Variants in KTN1 observed in about 807,000 individuals in gnomAD.
KTN1 encodes kinectin 1, also known as kinectin.
A neutral mutation model predicts 222.5 loss-of-function variants in KTN1; 130 were observed. The ratio of observed to expected loss-of-function variants is 0.58; its 90% confidence interval spans 0.51 to 0.68. The LOEUF is 0.68. Among genes scored for constraint, KTN1 ranks in the 30% least tolerant of loss-of-function variants. The probability of loss-of-function intolerance (pLI) is 0.00; values close to 1 mark genes in which losing one functional copy is unlikely to be tolerated. For missense variants in KTN1, 1,508 were observed against 1,500.4 expected (o/e 1.01, Z -0.08); for synonymous variants, 512 against 496.3 (o/e 1.03, Z -0.42).
At chr14:55,580,865 C>T (rs544285414) in intron 1 of KTN1, among the ~76,000 whole-genome samples, 161 of 152,330 alleles carry the variant, frequency 1.1e-3, no homozygotes, top group Middle Eastern at 3.4e-3. Flanking sequence ...GAGTTCCAGT[C>T]CTCGCCGCTG....
chr14:55,595,630 C>G (rs1175781094), intron 1 of KTN1, among the ~76,000 whole-genome samples: 1 of 152,168 alleles, frequency 6.6e-6, no homozygotes, highest in African/African-American at 2.4e-5. Context: ...AAGATACTTT[C>G]TAAACCATTA....
intron 6 of KTN1, among the ~76,000 whole-genome samples, chr14:55,628,354 T>A (rs2040108364): frequency 6.6e-6 from 1 of 152,234 alleles, no homozygotes; most frequent in African/African-American, 2.4e-5. Flanking sequence ...TGGTGTGATC[T>A]TGTTTAAGTC....
Position 55,653,042 on chromosome 14 carries a change from T to C in KTN1, c.2720T>C (p.Leu907Ser). 1 of 1,604,986 alleles carries C rather than the reference T, an allele frequency of 6.2e-7. No individual in the cohort carries two copies. Among genetic ancestry groups the C allele is most frequent in the South Asian group, 1.1e-5 (1 of 90,696 alleles). Residue 907 changes from leucine to serine, a missense_variant, in exon 27 of 44, where the codon TTA becomes TCA. By Grantham distance (145) the Leu-to-Ser change is moderately radical. Transcript: ENST00000395314. ...GATCTTCAAGAAGAAAATGAATCTTTAAAAGCACATGTTCAGGAAGTAGCA... is the reference window on the plus strand; with the variant it reads ...GATCTTCAAGAAGAAAATGAATCTTCAAAAGCACATGTTCAGGAAGTAGCA... ...LQDLQEENES[L>S]KAHVQEVAQH...
chr14:55,619,312 G>A lies in KTN1; in HGVS notation c.963G>A (p.Lys321=), dbSNP rs767701295. The change falls in exon 5 of 44, where the codon AAG becomes AAA. Residue 321 remains lysine, a splice_region_variant and synonymous_variant. Coordinates refer to ENST00000395314, the MANE Select transcript of KTN1 (RefSeq NM_001079521.2). ...KSGVIQDALK[K]SSKGELTTLI... is the part of the protein sequence containing the mutation. ...GTGTAATACAAGATGCTTTAAAGAA[G>A]GTAAGCGTGTTTTTTGATTATGGGC... 11 of 1,612,666 alleles carry A rather than the reference G, an allele frequency of 6.8e-6. No individual in the cohort carries two copies. Among genetic ancestry groups the A allele is most frequent in the African/African-American group, 1.3e-5 (1 of 74,792 alleles).
intron 1 of KTN1, among the ~76,000 whole-genome samples, chr14:55,596,154 C>CAAAAAAAA (rs71448460): frequency 7.1e-3 from 434 of 60,922 alleles, no homozygotes; most frequent in African/African-American, 0.017. Context: ...GACTCAATAG[C>CAAAAAAAA]AAAAAAAAAA....
chr14:55,580,723 C>A (rs2031259607), intron 1 of KTN1, among the ~76,000 whole-genome samples: 1 of 152,122 alleles, frequency 6.6e-6, no homozygotes, highest in Admixed American at 6.5e-5. Flanking sequence ...GTGACCGAGG[C>A]ACCTATTTTT....
chr14:55,627,764 T>C (rs1345582267), intron 5 of KTN1, 148 bp from the exon 6 acceptor site: 2 of 476,732 alleles, frequency 4.2e-6, no homozygotes, highest in Non-Finnish European at 7.7e-6. Flanking sequence ...GGTTTCCAGC[T>C]TCATCCACGT....
Position 55,670,699 on chromosome 14 carries a change from A to G in KTN1, c.3268-30A>G, listed in dbSNP as rs374716134. 42 of 1,487,820 alleles carry G rather than the reference A, an allele frequency of 2.8e-5. No homozygotes were observed. In the African/African-American group the frequency reaches 5.4e-4, roughly 19 times the overall value. The allele number at this position is 1,487,820 out of a possible 1,614,324, so 92.2% of individuals were successfully genotyped here. ...ATTTGGATTTTTTTTTTCTTTGGAAATTAATGATTTTAACTTTTCTCGTCC... is the reference window on the plus strand; with the variant it reads ...ATTTGGATTTTTTTTTTCTTTGGAAGTTAATGATTTTAACTTTTCTCGTCC... On this transcript the variant is annotated intron_variant, in intron 34 of 43. Coordinates refer to ENST00000395314, the MANE Select transcript of KTN1 (RefSeq NM_001079521.2).
intron 33 of KTN1, 94 bp from the exon 34 acceptor site, chr14:55,667,147 C>T (rs889396688): frequency 4.3e-5 from 33 of 774,354 alleles, no homozygotes; most frequent in Admixed American, 2.8e-4. Context: ...TTTTTCTTCC[C>T]GTAGAATTAT....
chr14:55,586,520 C>T (rs185088275), intron 1 of KTN1, among the ~76,000 whole-genome samples: 121 of 152,210 alleles, frequency 7.9e-4, no homozygotes, highest in African/African-American at 2.8e-3. Flanking sequence ...ACACAAATAT[C>T]TTTAGGAGGA....
At chr14:55,585,481 A>C (rs1472588195) in intron 1 of KTN1, among the ~76,000 whole-genome samples, 1 of 152,198 alleles carries the variant, frequency 6.6e-6, no homozygotes, top group Non-Finnish European at 1.5e-5. Flanking sequence ...CTTAAAATAA[A>C]GGTTATCCTG....
At chr14:55,586,845 G>T (rs1205965854) in intron 1 of KTN1, among the ~76,000 whole-genome samples, 1 of 152,040 alleles carries the variant, frequency 6.6e-6, no homozygotes, top group Non-Finnish European at 1.5e-5. Flanking sequence ...TCGTCCTTTT[G>T]TTTCCAAGAA....
At chr14:55,595,109 A>G (rs2034800941) in intron 1 of KTN1, among the ~76,000 whole-genome samples, 2 of 152,250 alleles carry the variant, frequency 1.3e-5, no homozygotes, top group Non-Finnish European at 1.5e-5. Flanking sequence ...CTTGCTCTGC[A>G]TATGTACACG....
chr14:55,660,921 C>G (rs2044073009), intron 31 of KTN1, among the ~76,000 whole-genome samples: 1 of 152,120 alleles, frequency 6.6e-6, no homozygotes, highest in African/African-American at 2.4e-5. Flanking sequence ...CAGGGAAGAG[C>G]TATTTGTTAT....
intron 10 of KTN1, 60 bp from the exon 11 acceptor site, chr14:55,637,138 A>G: frequency 1.6e-6 from 2 of 1,269,604 alleles, no homozygotes; most frequent in Non-Finnish European, 2.2e-6. Flanking sequence ...TACACGAAAG[A>G]TGAGTATGAG....
chr14:55,625,663 A>AT (rs2140854944), intron 5 of KTN1, among the ~76,000 whole-genome samples: 1 of 151,894 alleles, frequency 6.6e-6, no homozygotes, highest in South Asian at 2.1e-4. Flanking sequence ...TTTTCCTGGG[A>AT]TTTTGTCAAA....
At chr14:55,646,789 G>A (rs2274079) in intron 18 of KTN1, among the ~76,000 whole-genome samples, 184 bp from the exon 19 acceptor site, 41,816 of 151,504 alleles carry the variant, frequency 0.28, 5,756 homozygotes, top group East Asian at 0.33. Flanking sequence ...CTCTTGTGTA[G>A]ATGTATCTCT....
At chr14:55,615,114 A>C (rs2038158072) in intron 2 of KTN1, among the ~76,000 whole-genome samples, 1 of 152,196 alleles carries the variant, frequency 6.6e-6, no homozygotes. Context: ...ACCGCAAAGG[A>C]ATATTTCAAG....
intron 1 of KTN1, among the ~76,000 whole-genome samples, chr14:55,608,518 A>G (rs1490017024): frequency 6.6e-6 from 1 of 152,046 alleles, no homozygotes; most frequent in African/African-American, 2.4e-5. Context: ...ACAAAGTTTT[A>G]GTGTTCATGG....
Sources: allele counts gnomAD v4.1 joint callset (sites outside exome capture counted in the v4.1 genomes callset), GRCh38; gene constraint gnomAD v4.1.1; transcripts MANE v1.5; gene names NCBI Gene and HGNC (gene_info 2026-07-23, HGNC 2026-07-21).